FER1L5: variants seen among roughly 807,000 people sequenced by gnomAD.
FER1L5 encodes fer-1-like protein 5.
FER1L5 carries 187 observed loss-of-function variants against 279.9 expected under a neutral mutation model. The ratio of observed to expected loss-of-function variants is 0.67; its 90% CI spans 0.59 to 0.75. FER1L5 has a LOEUF of 0.75. Ranked by LOEUF, FER1L5 falls within the 30% of genes least tolerant of loss-of-function variation. FER1L5 has a pLI of 0.00. For missense variants in FER1L5, 2,091 were observed against 2,594.4 expected (o/e 0.81, Z 4.21); for synonymous variants, 921 against 989.7 (o/e 0.93, Z 1.30).
At chr2:96,685,579 T>C (rs965780367) in intron 21 of FER1L5, 150 bp downstream of exon 21, 2 of 715,446 alleles carry the variant, frequency 2.8e-6, no homozygotes, top group East Asian at 5.6e-5. Context: ...ACCCCAAGAG[T>C]CGCTTCTCCC....
chr2:96,670,284 G>C (rs1325647686), intron 18 of FER1L5, 37 bp downstream of exon 18: 1 of 1,549,038 alleles, frequency 6.5e-7, no homozygotes, highest in Admixed American at 2.0e-5. Flanking sequence ...GGAAAAACAA[G>C]AGCCCTGTCT....
In FER1L5 at chr2:96,684,427, C is replaced by T; in HGVS notation, c.1770C>T (p.Leu590=). 6.4e-7 allele frequency: 1 copy of T among 1,551,618 alleles called. No individual in the cohort carries two copies. ...DVSFRMNCLN[L]LHFTRDRLKA... ...GCTTCCGCATGAACTGCCTCAACCTCCTCCACTTCACTCGGGACCGCCTGG... is the reference window on the plus strand; with the variant it reads ...GCTTCCGCATGAACTGCCTCAACCTTCTCCACTTCACTCGGGACCGCCTGG... Residue 590 remains leucine, a synonymous_variant, in exon 20 of 53, where the codon CTC becomes CTT. Coordinates refer to ENST00000624922, the MANE Select transcript of FER1L5 (RefSeq NM_001293083.2).
chr2:96,680,771 G>A (rs1338929716), intron 19 of FER1L5, among the ~76,000 whole-genome samples: 1 of 152,198 alleles, frequency 6.6e-6, no homozygotes, highest in Non-Finnish European at 1.5e-5. Context: ...ACATGCCCTT[G>A]TAATAGCACT....
intron 45 of FER1L5, among the ~76,000 whole-genome samples, 188 bp from the exon 46 acceptor site, chr2:96,701,767 C>T (rs1466640083): frequency 6.6e-6 from 1 of 152,218 alleles, no homozygotes; most frequent in Non-Finnish European, 1.5e-5. Flanking sequence ...GCACTACTCT[C>T]TCAGCCAAAA....
Position 96,651,900 on chromosome 2 carries a change from G to A in FER1L5, c.513G>A (p.Val171=). ...ATGTGTTCCGCCCTTAGGTTCGAGTGAAGGTGTTTGAAGCCCGACAGCTCA... is the reference window on the plus strand; with the variant it reads ...ATGTGTTCCGCCCTTAGGTTCGAGTAAAGGTGTTTGAAGCCCGACAGCTCA... ...SSKPQHFQVR[V]KVFEARQLMG... Residue 171 remains valine (V), a synonymous_variant, in exon 7 of 53, where the codon GTG becomes GTA. Coordinates refer to ENST00000624922, the MANE Select transcript of FER1L5 (RefSeq NM_001293083.2). 1 of 1,552,098 alleles carries A rather than the reference G, an allele frequency of 6.4e-7. No homozygotes were observed. The highest frequency in any genetic ancestry group is 8.7e-7 in the Non-Finnish European group (1 of 1,147,074).
intron 19 of FER1L5, among the ~76,000 whole-genome samples, chr2:96,683,110 T>C (rs2076790273): frequency 6.6e-6 from 1 of 152,110 alleles, no homozygotes; most frequent in Non-Finnish European, 1.5e-5. Context: ...TCAGTTCTCA[T>C]TCCCCGGCCC....
intron 17 of FER1L5, 131 bp from the exon 18 acceptor site, chr2:96,669,988 G>T: frequency 8.1e-7 from 1 of 1,238,106 alleles, no homozygotes; most frequent in Non-Finnish European, 1.1e-6. Context: ...TCTTCTCCGG[G>T]ATTGTGGTTG....
At position 96,698,040 on chromosome 2, in the gene FER1L5, T is replaced by G; in HGVS notation, c.4240T>G (p.Tyr1414Asp). ...KYKDYHTLKV[Y>D]ECELEAVPAF... ...AGGGTTCCACACACCTCTGCAGGTG[T>G]ATGAGTGTGAGCTGGAGGCCGTGCC... is the stretch of plus-strand genomic sequence containing the variant. Residue 1414 changes from tyrosine (Y) to aspartate (D), a missense_variant, in exon 40 of 53, where the codon TAT becomes GAT. Tyr to Asp is a radical substitution (Grantham distance 160). Coordinates refer to ENST00000624922, the MANE Select transcript of FER1L5 (RefSeq NM_001293083.2). The surrounding 1 kb of genome is among the most constrained non-coding windows in gnomAD (Gnocchi z 5.5). The G allele has an allele frequency of 1.3e-6, 2 of 1,569,228 alleles. No homozygotes were observed. The highest frequency in any genetic ancestry group is 1.7e-6 in the Non-Finnish European group (2 of 1,157,230).
Position 96,676,044 on chromosome 2 carries a change from G to C in FER1L5, c.1669+2790G>C, listed in dbSNP as rs1573879856. Among the ~76,000 whole-genome samples, 3 of 141,652 alleles carry C rather than the reference G, an allele frequency of 2.1e-5. No homozygotes were observed. The Admixed American group carries it at 2.1e-4, about 10-fold the overall frequency. The allele number at this position is 141,652 out of a possible 152,430, so 92.9% of individuals were successfully genotyped here. On this transcript the variant is annotated intron_variant, in intron 19 of 52. Transcript: ENST00000624922. ...CAAGCTTTATCGTTTTATCTTTTTT[G>C]TTTGGGTTTATGATCCAATTTGACT... is the stretch of plus-strand genomic sequence containing the variant.
Position 96,649,644 on chromosome 2 carries a change from G to T in FER1L5, c.361G>T (p.Ala121Ser), listed in dbSNP as rs1558837694. The change falls in exon 5 of 53, where the codon GCC (alanine) becomes TCC (serine). Residue 121 changes from alanine to serine, a missense_variant. Coordinates refer to ENST00000624922, the MANE Select transcript of FER1L5 (RefSeq NM_001293083.2). Reference sequence around the variant, plus strand: ...GCAGTGTACTGTCACCCTACAGGTGGCCCACATGAGCAACCAGGATATTGA... The same window carrying T: ...GCAGTGTACTGTCACCCTACAGGTGTCCCACATGAGCAACCAGGATATTGA... The part of the protein sequence containing the change: ...PTDCTVTLQV[A>S]HMSNQDIEKT... The T allele has an allele frequency of 1.9e-6, 3 of 1,551,380 alleles. No individual in the cohort carries two copies. In the South Asian group the frequency reaches 3.6e-5, roughly 18 times the overall value.
Position 96,694,312 on chromosome 2 carries a change from G to A in FER1L5, c.3637-48G>A. 7 of 1,488,108 alleles carry A rather than the reference G, an allele frequency of 4.7e-6. No individual in the cohort carries two copies. Among genetic ancestry groups the A allele is most frequent in the Non-Finnish European group, 5.4e-6 (6 of 1,108,362 alleles). The allele number at this position is 1,488,108 out of a possible 1,614,324, so 92.2% of individuals were successfully genotyped here. A position where few individuals can be genotyped will look rare whatever the true frequency, so the allele number is the denominator to read the frequency against. On this transcript the variant is annotated intron_variant, in intron 33 of 52. Transcript: ENST00000624922. This position sits in a 1 kb window ranked among gnomAD's most constrained non-coding sequence, Gnocchi z 4.6. ...GGGACCTGCTTGAGGTGAGGGTGAG[G>A]GCAGCAGGACCAGCCCAGAGGGCCT...
At chr2:96,656,871 A>T (rs2075620397) in intron 9 of FER1L5, among the ~76,000 whole-genome samples, 1 of 149,678 alleles carries the variant, frequency 6.7e-6, no homozygotes, top group Non-Finnish European at 1.5e-5. Flanking sequence ...GCATTCCCCC[A>T]CCCCATTTCC....
rs1462503660 is a variant in FER1L5 at position 96,647,286 on chromosome 2, AAG to A, written c.230+134_230+135del. 4 of 1,003,962 alleles carry A rather than the reference AAG, an allele frequency of 4.0e-6. No homozygotes were observed. In the African/African-American group the frequency reaches 6.5e-5, roughly 16 times the overall value. The allele number at this position is 1,003,962 out of a possible 1,614,324, so 62.2% of individuals were successfully genotyped here. On this transcript the variant is annotated intron_variant, in intron 3 of 52. Transcript: ENST00000624922. ...CCACTCCAGCCAGCTAAAAAGAAAA[AAG>A]AGGGGTGGGTACTGAAAGGGTAGCC...
intron 19 of FER1L5, 44 bp from the exon 20 acceptor site, chr2:96,684,283 A>T: frequency 6.5e-7 from 1 of 1,539,038 alleles, no homozygotes; most frequent in Non-Finnish European, 8.8e-7. Flanking sequence ...GACCTCCCAG[A>T]ATCCCCCAGA....
At chr2:96,642,948 G>A in intron 1 of FER1L5, 27 bp downstream of exon 1, 2 of 1,539,312 alleles carry the variant, frequency 1.3e-6, no homozygotes, top group Non-Finnish European at 1.8e-6. Flanking sequence ...GTCCACATGG[G>A]AGAGAGAAGC....
At chr2:96,672,382 G>C (rs2076360423) in intron 18 of FER1L5, among the ~76,000 whole-genome samples, 1 of 152,142 alleles carries the variant, frequency 6.6e-6, no homozygotes, top group African/African-American at 2.4e-5. Context: ...GGCCTCAAAA[G>C]TAAATTTTTT....
chr2:96,660,554 T>A (rs982750150), intron 10 of FER1L5, among the ~76,000 whole-genome samples, 183 bp downstream of exon 10: 2 of 152,212 alleles, frequency 1.3e-5, no homozygotes, highest in African/African-American at 4.8e-5. Flanking sequence ...CCTTATTTTT[T>A]AATTTAATTT....
rs953125503 is a variant in FER1L5, at chr2:96,703,042, G to A, written c.5462G>A (p.Trp1821Ter). ...CCAGCCCGACTTATCATCCAGGTCT[G>A]GGACAATGACATCTTCTCCCCCGAC... is the stretch of plus-strand genomic sequence containing the variant. ...KFPARLIIQV[W>*]DNDIFSPDDF... is the part of the protein sequence containing the mutation. Residue 1821 changes from tryptophan (W) to a stop codon, truncating the protein, a stop_gained, in exon 49 of 53, where the codon TGG (tryptophan) becomes TAG (stop). Transcript: ENST00000624922. LOFTEE classifies it high-confidence loss of function. 4 of 1,613,408 alleles carry A rather than the reference G, an allele frequency of 2.5e-6. No homozygotes were observed. Among genetic ancestry groups the A allele is most frequent in the East Asian group, 2.2e-5 (1 of 44,868 alleles).
chr2:96,687,460 C>G (rs1301711804), intron 23 of FER1L5, among the ~76,000 whole-genome samples: 1 of 152,270 alleles, frequency 6.6e-6, no homozygotes, highest in Non-Finnish European at 1.5e-5. Context: ...ACCATGCCCT[C>G]TCATGGTGGG....
Sources: gnomAD v4.1 joint callset for allele counts (sites outside exome capture counted in the v4.1 genomes callset) on GRCh38, gnomAD v4.1.1 for gene constraint, Gnocchi (gnomAD v3.1) non-coding constraint, MANE v1.5 for transcripts, NCBI Gene and HGNC (gene_info 2026-07-23, HGNC 2026-07-21) for gene names.